The following PTPRG variants were observed in gnomAD, a reference collection of about 807,000 sequenced individuals.
PTPRG encodes receptor-type tyrosine-protein phosphatase gamma.
Under a neutral mutation model 165.3 loss-of-function variants are expected in PTPRG, and 102 were observed. The observed-to-expected ratio is 0.62, with a 90% CI of 0.53 to 0.73. PTPRG has a LOEUF of 0.73. PTPRG is among the 30% of genes least tolerant of loss of function. PTPRG has a pLI of 0.00. For missense variants in PTPRG, 1,866 were observed against 1,861.4 expected, an observed-to-expected ratio of 1.00 and a Z score of -0.05; for synonymous variants, 675 against 669.5, an observed-to-expected ratio of 1.01 and a Z score of -0.13.
intron 1 of PTPRG, among the ~76,000 whole-genome samples, chr3:61,634,147 C>T (rs1701840036): frequency 6.6e-6 from 1 of 151,906 alleles, no homozygotes; most frequent in Non-Finnish European, 1.5e-5. Context: ...AACGCCTGGC[C>T]TCAAGAGATC....
chr3:61,877,598 C>T (rs964115504), intron 2 of PTPRG, among the ~76,000 whole-genome samples: 1 of 152,124 alleles, frequency 6.6e-6, no homozygotes, highest in Non-Finnish European at 1.5e-5. Flanking sequence ...TTTGTGTATA[C>T]CCTGGTAGAA....
intron 1 of PTPRG, among the ~76,000 whole-genome samples, chr3:61,650,406 C>G (rs1351340723): frequency 6.6e-6 from 1 of 152,116 alleles, no homozygotes; most frequent in Admixed American, 6.5e-5. Context: ...GTGACGAGTT[C>G]CGCACAAAAC....
At chr3:61,798,858 C>A (rs1423046149) in intron 2 of PTPRG, among the ~76,000 whole-genome samples, 1 of 151,894 alleles carries the variant, frequency 6.6e-6, no homozygotes, top group Non-Finnish European at 1.5e-5. Context: ...TGGAACAGAC[C>A]AGAGGCATGG....
chr3:62,061,036 T>C (rs936438047), intron 4 of PTPRG, among the ~76,000 whole-genome samples: 6 of 152,244 alleles, frequency 3.9e-5, no homozygotes, highest in African/African-American at 1.4e-4. Flanking sequence ...TCTGCTATTA[T>C]AAATAATGCT....
intron 1 of PTPRG, among the ~76,000 whole-genome samples, chr3:61,696,231 G>A (rs1245297027): frequency 1.3e-5 from 2 of 152,182 alleles, no homozygotes; most frequent in African/African-American, 2.4e-5. Context: ...GCCGGGCGCG[G>A]TGACTCACGC....
At chr3:61,895,288 G>C (rs555427945) in intron 2 of PTPRG, among the ~76,000 whole-genome samples, 1 of 152,170 alleles carries the variant, frequency 6.6e-6, no homozygotes, top group South Asian at 2.1e-4. Flanking sequence ...TTCTTGGACC[G>C]TACTTTTAGG....
intron 4 of PTPRG, among the ~76,000 whole-genome samples, chr3:62,034,796 T>C (rs1318396133): frequency 6.6e-6 from 1 of 151,428 alleles, no homozygotes; most frequent in Non-Finnish European, 1.5e-5. Context: ...CTTTGATGAG[T>C]TTTCTGTATC....
rs543632305 is a variant in PTPRG at position 61,653,033 on chromosome 3, T to C, written c.85+90661T>C. Among the ~76,000 whole-genome samples, 11 of 152,336 alleles carry C rather than the reference T, an allele frequency of 7.2e-5. No individual in the cohort carries two copies. The South Asian group carries it at 2.3e-3, about 32-fold the overall frequency. On this transcript the variant is annotated intron_variant, in intron 1 of 29. Transcript: ENST00000474889. Reference sequence around the variant, plus strand: ...TGCCAAACAACAGATTTGTATTCATTGCAGAACATTTTATAAGTACATATA... The same window carrying C: ...TGCCAAACAACAGATTTGTATTCATCGCAGAACATTTTATAAGTACATATA...
At chr3:62,039,409 CA>C (rs1280602967) in intron 4 of PTPRG, among the ~76,000 whole-genome samples, 1 of 151,816 alleles carries the variant, frequency 6.6e-6, no homozygotes, top group African/African-American at 2.4e-5. Context: ...TTTCATGCAA[CA>C]GGGGGAAAAA....
chr3:61,572,783 G>A (rs1700086458), intron 1 of PTPRG, among the ~76,000 whole-genome samples: 1 of 152,192 alleles, frequency 6.6e-6, no homozygotes, highest in Non-Finnish European at 1.5e-5. Flanking sequence ...AAATTAAATA[G>A]TGCTACCCCT....
intron 8 of PTPRG, among the ~76,000 whole-genome samples, chr3:62,177,617 C>A (rs1432374327): frequency 6.6e-6 from 1 of 152,036 alleles, no homozygotes; most frequent in Non-Finnish European, 1.5e-5. Context: ...TCCTGTCCCC[C>A]TCTCCAGCCC....
At chr3:61,608,850 C>T (rs918833810) in intron 1 of PTPRG, among the ~76,000 whole-genome samples, 14 of 152,280 alleles carry the variant, frequency 9.2e-5, no homozygotes, top group Admixed American at 5.9e-4. Flanking sequence ...AGGATTTCAT[C>T]GTCTTTACGC....
At chr3:62,265,498 T>A (rs1701834766) in intron 17 of PTPRG, among the ~76,000 whole-genome samples, 1 of 152,130 alleles carries the variant, frequency 6.6e-6, no homozygotes, top group South Asian at 2.1e-4. Flanking sequence ...TTCTAGTAGT[T>A]TTTTCTTGAT....
intron 2 of PTPRG, among the ~76,000 whole-genome samples, chr3:61,927,918 T>TA (rs2039264407): frequency 6.6e-6 from 1 of 152,150 alleles, no homozygotes; most frequent in Non-Finnish European, 1.5e-5. Context: ...AGGTGAGGTA[T>TA]ACGTGCGTTC....
intron 2 of PTPRG, among the ~76,000 whole-genome samples, chr3:61,886,249 T>C (rs2038033767): frequency 1.3e-5 from 2 of 152,112 alleles, no homozygotes; most frequent in Non-Finnish European, 2.9e-5. Context: ...GGAGAAATTA[T>C]AACCATAACC....
In PTPRG at chr3:62,203,973, G is replaced by T; in HGVS notation, c.2155+23G>T. ...CAGGTAAGTGGTGCAGGTCTTCTTC[G>T]AGGGTTCCTGCTCCTGTGAATAGTC... On this transcript the variant is annotated intron_variant, in intron 12 of 29. Coordinates refer to ENST00000474889, the MANE Select transcript of PTPRG (RefSeq NM_002841.4). The surrounding 1 kb of genome is among the most constrained non-coding windows in gnomAD (Gnocchi z 6.4). 6.5e-7 allele frequency: 1 copy of T among 1,529,150 alleles called. No individual in the cohort carries two copies. The highest frequency in any genetic ancestry group is 8.8e-7 in the Non-Finnish European group (1 of 1,136,626). 94.7% of individuals were successfully genotyped at this position (1,529,150 alleles called of 1,614,324 possible).
chr3:61,748,804 GT>G, intron 1 of PTPRG, 73 bp from the exon 2 acceptor site: 2 of 1,184,816 alleles, frequency 1.7e-6, no homozygotes, highest in East Asian at 4.7e-5. Context: ...TCACCCAATG[GT>G]GTTCATTTGA....
chr3:61,581,507 T>C (rs1700293122), intron 1 of PTPRG, among the ~76,000 whole-genome samples: 1 of 152,084 alleles, frequency 6.6e-6, no homozygotes, highest in African/African-American at 2.4e-5. Flanking sequence ...TCTTCTGTGG[T>C]GTTAGGTTTG....
chr3:61,828,439 T>A (rs921979932), intron 2 of PTPRG, among the ~76,000 whole-genome samples: 1 of 152,236 alleles, frequency 6.6e-6, no homozygotes, highest in African/African-American at 2.4e-5. Flanking sequence ...AGCTACTCCA[T>A]GGAGAAGATG....
Sources: allele counts gnomAD v4.1 joint callset (sites outside exome capture counted in the v4.1 genomes callset), GRCh38; gene constraint gnomAD v4.1.1; non-coding constraint Gnocchi (gnomAD v3.1); transcripts MANE v1.5; gene names NCBI Gene and HGNC (gene_info 2026-07-23, HGNC 2026-07-21).